Variants in SLC7A6OS observed in about 807,000 individuals in gnomAD.
SLC7A6OS encodes probable RNA polymerase II nuclear localization protein SLC7A6OS.
In SLC7A6OS, 22 loss-of-function variants were observed where a neutral mutation model predicts 34.3. That is an observed-to-expected ratio of 0.64 (90% CI 0.46 to 0.92). SLC7A6OS has a LOEUF of 0.92. Ranked by LOEUF, SLC7A6OS falls within the 40% of genes least tolerant of loss-of-function variation. The pLI is 0.00. For synonymous variants in SLC7A6OS, 199 were observed against 165.0 expected, an observed-to-expected ratio of 1.21 and a Z score of -1.58; for missense variants, 434 against 407.7, an observed-to-expected ratio of 1.06 and a Z score of -0.56.
At chr16:68,309,618 TAAAGA>T (rs1451126975) in intron 2 of SLC7A6OS, among the ~76,000 whole-genome samples, 2 of 152,214 alleles carry the variant, frequency 1.3e-5, no homozygotes, top group Non-Finnish European at 2.9e-5. Flanking sequence ...AAATGTAATA[TAAAGA>T]AAAGCACTGG....
intron 4 of SLC7A6OS, chr16:68,302,003 CTCT>C (rs2043284467): frequency 5.3e-6 from 1 of 188,610 alleles, no homozygotes; most frequent in African/African-American, 2.4e-5. Flanking sequence ...GCAAACCTCT[CTCT>C]TCATTGGTTT....
At chr16:68,303,514 T>C (rs1221804543) in intron 3 of SLC7A6OS, among the ~76,000 whole-genome samples, 1 of 147,410 alleles carries the variant, frequency 6.8e-6, no homozygotes, top group South Asian at 2.2e-4. Context: ...GCCTGGGAGA[T>C]AGAGGCTGCA....
In SLC7A6OS at chr16:68,310,814, G is replaced by C. The variant is rs777780271; in HGVS notation, c.113C>G (p.Ala38Gly). The C allele has an allele frequency of 4.3e-6, 7 of 1,613,702 alleles. No homozygotes were observed. In the South Asian group the frequency reaches 7.7e-5, roughly 18 times the overall value. ...KRLRSDAVES[A>G]AQKTSEGLER... ...CAAACCCTCCGACGTCTTCTGTGCC[G>C]CTGACTCGACCGCGTCGCTCCGGAG... Residue 38 changes from alanine (A) to glycine (G), a missense_variant, in exon 1 of 5, where the codon GCG (alanine) becomes GGG (glycine). Ala to Gly is a moderately conservative substitution (Grantham distance 60). Coordinates refer to ENST00000263997, the MANE Select transcript of SLC7A6OS (RefSeq NM_032178.3).
At chr16:68,307,876 G>C (rs546027553) in intron 2 of SLC7A6OS, among the ~76,000 whole-genome samples, 9 of 152,086 alleles carry the variant, frequency 5.9e-5, no homozygotes, top group Non-Finnish European at 4.4e-5. Flanking sequence ...TTATCTCCTA[G>C]TTTTCTTTAT....
At chr16:68,304,366 GC>G in intron 2 of SLC7A6OS, 134 bp from the exon 3 acceptor site, 1 of 757,178 alleles carries the variant, frequency 1.3e-6, no homozygotes, top group Non-Finnish European at 2.2e-6. Context: ...TGTCGCCCAG[GC>G]TGGAGTGCAG....
At position 68,310,396 on chromosome 16, in the gene SLC7A6OS, T is replaced by G; in HGVS notation, c.410A>C (p.Gln137Pro). 1 of 1,612,434 alleles carries G rather than the reference T, an allele frequency of 6.2e-7. No individual in the cohort carries two copies. Among genetic ancestry groups the G allele is most frequent in the South Asian group, 1.1e-5 (1 of 90,854 alleles). ...NPEAAGNSGF[Q>P]LLDLVHEEGE... ...CTCCTCGTGGACAAGGTCTAACAAC[T>G]GAAAGCCCGAGTTCCCGGCGGCTTC... Residue 137 changes from glutamine to proline, a missense_variant, in exon 2 of 5, where the codon CAG becomes CCG. Transcript: ENST00000263997.
In SLC7A6OS at chr16:68,310,643, G is replaced by T. The variant is rs373143704; in HGVS notation, c.193-30C>A. Reference sequence around the variant, plus strand: ...GGGGCAACAGGGGACGGAGGCCAGCGTAAGCAGGAGTTCGCGAGCGGGTCA... The same window carrying T: ...GGGGCAACAGGGGACGGAGGCCAGCTTAAGCAGGAGTTCGCGAGCGGGTCA... On this transcript the variant is annotated intron_variant, in intron 1 of 4. Transcript: ENST00000263997. 9 of 1,581,838 alleles carry T rather than the reference G, an allele frequency of 5.7e-6. No homozygotes were observed. In the African/African-American group the frequency reaches 1.1e-4, roughly 19 times the overall value.
At chr16:68,304,330 G>GTT in intron 2 of SLC7A6OS, 98 bp from the exon 3 acceptor site, 1 of 1,114,544 alleles carries the variant, frequency 9.0e-7, no homozygotes, top group Non-Finnish European at 1.3e-6. Context: ...GCTCCCTACA[G>GTT]TTTTTTTTGA....
At position 68,304,074 on chromosome 16, in the gene SLC7A6OS, C is replaced by G; in HGVS notation, c.630G>C (p.Trp210Cys). ...IYYLETATPGWIENILSVQPY... is the reference protein window; with the variant it reads ...IYYLETATPGCIENILSVQPY... ...GCTGCACGGAGAGGATGTTCTCAATCCAGCCTGGAGTGGCCGTCTCCAAGT... is the reference window on the plus strand; with the variant it reads ...GCTGCACGGAGAGGATGTTCTCAATGCAGCCTGGAGTGGCCGTCTCCAAGT... Residue 210 changes from tryptophan to cysteine, a missense_variant, in exon 3 of 5, where the codon TGG becomes TGC. Physicochemically the swap from Trp to Cys is radical, Grantham distance 215. Transcript: ENST00000263997. The G allele has an allele frequency of 6.2e-7, 1 of 1,614,048 alleles. No homozygotes were observed. The highest frequency in any genetic ancestry group is 8.5e-7 in the Non-Finnish European group (1 of 1,179,976).
Position 68,304,058 on chromosome 16 carries a change from A to C in SLC7A6OS, c.646T>G (p.Ser216Ala), listed in dbSNP as rs752811984. The stretch of plus-strand genomic sequence containing the variant: ...CATTCTTGGCTGTAGGGCTGCACGG[A>C]GAGGATGTTCTCAATCCAGCCTGGA... ...ATPGWIENIL[S>A]VQPYSQEWEL... Residue 216 changes from serine (S) to alanine (A), a missense_variant, in exon 3 of 5, where the codon TCC becomes GCC. Coordinates refer to ENST00000263997, the MANE Select transcript of SLC7A6OS (RefSeq NM_032178.3). 2.5e-6 allele frequency: 4 copies of C among 1,613,906 alleles called. No homozygotes were observed. Among genetic ancestry groups the C allele is most frequent in the Non-Finnish European group, 3.4e-6 (4 of 1,179,936 alleles).
At chr16:68,301,647 C>T (rs986119180) in intron 4 of SLC7A6OS, 12 of 335,110 alleles carry the variant, frequency 3.6e-5, no homozygotes, top group African/African-American at 2.1e-4. Context: ...AGTATTTTGT[C>T]ACTTCTCCCC....
In SLC7A6OS at chr16:68,310,758, A is replaced by T; in HGVS notation, c.169T>A (p.Leu57Met). ...ERAAENNVFH[L>M]VATVCSQEEP... ...ACCTGGGAGCACACAGTGGCCACCA[A>T]GTGGAAGACATTATTCTCCGCCGCT... Residue 57 changes from leucine (L) to methionine (M), a missense_variant, in exon 1 of 5, where the codon TTG becomes ATG. Transcript: ENST00000263997. 1 of 1,611,396 alleles carries T rather than the reference A, an allele frequency of 6.2e-7. No homozygotes were observed. The highest frequency in any genetic ancestry group is 8.5e-7 in the Non-Finnish European group (1 of 1,178,182).
In SLC7A6OS at chr16:68,304,239, A is replaced by G. The variant is rs1227548719; in HGVS notation, c.472-7T>C. 1 of 1,612,784 alleles carries G rather than the reference A, an allele frequency of 6.2e-7. No individual in the cohort carries two copies. Among genetic ancestry groups the G allele is most frequent in the African/African-American group, 1.3e-5 (1 of 75,016 alleles). On this transcript the variant is annotated splice_polypyrimidine_tract_variant and splice_region_variant and intron_variant, in intron 2 of 4. Coordinates refer to ENST00000263997, the MANE Select transcript of SLC7A6OS (RefSeq NM_032178.3). ...TCACATCTGGGTCAGATGTCTGTAA[A>G]GAAACCACAGATTACACACACACGC...
Position 68,301,337 on chromosome 16 carries a change from ACTTG to A in SLC7A6OS, c.864_867del (p.Lys289ThrfsTer49), listed in dbSNP as rs1441958020. 6.2e-7 allele frequency: 1 copy of A among 1,614,122 alleles called. No homozygotes were observed. The highest frequency in any genetic ancestry group is 1.7e-5 in the Admixed American group (1 of 60,014). On this transcript the variant is annotated frameshift_variant, in exon 5 of 5. Coordinates refer to ENST00000263997, the MANE Select transcript of SLC7A6OS (RefSeq NM_032178.3). LOFTEE classifies it high-confidence loss of function. ...AACTCCTTCTGCACATCCAGAGGGT[ACTTG>A]CTCCACATCCGCTGTCTGCTGCTGC... is the stretch of plus-strand genomic sequence containing the variant.
chr16:68,306,229 C>A (rs1312117052), intron 2 of SLC7A6OS, among the ~76,000 whole-genome samples: 1 of 151,310 alleles, frequency 6.6e-6, no homozygotes, highest in Admixed American at 6.6e-5. Context: ...TATTTTTTTT[C>A]TTTTTTGAGA....
In SLC7A6OS at chr16:68,301,049, A is replaced by G. The variant is rs1296461158; in HGVS notation, c.*226T>C. 1 of 1,205,272 alleles carries G rather than the reference A, an allele frequency of 8.3e-7. No individual in the cohort carries two copies. The highest frequency in any genetic ancestry group is 1.0e-6 in the Non-Finnish European group (1 of 970,864). The allele number at this position is 1,205,272 out of a possible 1,614,324, so 74.7% of individuals were successfully genotyped here. On this transcript the variant is annotated 3_prime_UTR_variant, in exon 5 of 5. Coordinates refer to ENST00000263997, the MANE Select transcript of SLC7A6OS (RefSeq NM_032178.3). ...AACGTTTTTTTTTCTTTCAAACTGT[A>G]GGGTCACTTTTGATTGAGGCAAAGG...
chr16:68,301,409 G>A lies in SLC7A6OS; in HGVS notation c.800-4C>T. 6.2e-7 allele frequency: 1 copy of A among 1,612,866 alleles called. No individual in the cohort carries two copies. The highest frequency in any genetic ancestry group is 8.5e-7 in the Non-Finnish European group (1 of 1,179,222). ...AGGCTGTTGTAGTCAGCAGAGCCTA[G>A]AATGACATCCCGGGAGTGGATTCTA... On this transcript the variant is annotated splice_region_variant and splice_polypyrimidine_tract_variant and intron_variant, in intron 4 of 4. Transcript: ENST00000263997.
Position 68,301,175 on chromosome 16 carries a change from G to A in SLC7A6OS, c.*100C>T, listed in dbSNP as rs1212506634. On this transcript the variant is annotated 3_prime_UTR_variant, in exon 5 of 5. Coordinates refer to ENST00000263997, the MANE Select transcript of SLC7A6OS (RefSeq NM_032178.3). Reference sequence around the variant, plus strand: ...GCTTGATATGCTTTTCCTTCCACATGTTAAGCTAGGAAACCTAACAGGATG... The same window carrying A: ...GCTTGATATGCTTTTCCTTCCACATATTAAGCTAGGAAACCTAACAGGATG... 2 of 1,505,436 alleles carry A rather than the reference G, an allele frequency of 1.3e-6. No homozygotes were observed. The highest frequency in any genetic ancestry group is 1.4e-5 in the African/African-American group (1 of 71,968). 93.3% of individuals were successfully genotyped at this position (1,505,436 alleles called of 1,614,324 possible).
At position 68,310,884 on chromosome 16, in the gene SLC7A6OS, G is replaced by T. The variant is rs1179269874; in HGVS notation, c.43C>A (p.Arg15Ser). The change falls in exon 1 of 5, where the codon CGC becomes AGC. Residue 15 changes from arginine to serine, a missense_variant. Transcript: ENST00000263997. ...AGAGCCTCCGCCGGCTCCGCACTGC[G>T]CTTCCGCTTCACCCGGAGTACAGCG... ...RTAVLRVKRKRSAEPAEALVL... is the reference protein window; with the variant it reads ...RTAVLRVKRKSSAEPAEALVL... 6.2e-7 allele frequency: 1 copy of T among 1,605,512 alleles called. No individual in the cohort carries two copies.
Sources: gnomAD v4.1 joint callset for allele counts (sites outside exome capture counted in the v4.1 genomes callset) on GRCh38, gnomAD v4.1.1 for gene constraint, MANE v1.5 for transcripts, NCBI Gene and HGNC (gene_info 2026-07-23, HGNC 2026-07-21) for gene names.